GVQW3: variants seen among roughly 807,000 people sequenced by gnomAD.
The protein encoded by GVQW3 is protein GVQW3.
GVQW3 carries 7 observed loss-of-function variants against 12.5 expected under a neutral mutation model. The ratio of observed to expected loss-of-function variants is 0.56; its 90% CI spans 0.32 to 1.05. GVQW3 has a LOEUF of 1.05. GVQW3 is among the 50% of genes least tolerant of loss of function. GVQW3 has a pLI of 0.04. For missense variants in GVQW3, 188 were observed against 190.8 expected (o/e 0.99, Z 0.09); for synonymous variants, 71 against 67.2 (o/e 1.06, Z -0.28).
In GVQW3 at chr11:76,400,006, T is replaced by TACACACACACACAC. The variant is rs60192043; in HGVS notation, c.466-3623_466-3610dup. The stretch of plus-strand genomic sequence containing the variant: ...TATAATAAATCTCTCTCTCTCTGTA[T>TACACACACACACAC]ACACACACACACACACACACACACA... On this transcript the variant is annotated intron_variant, in intron 1 of 1. Transcript: ENST00000529331. Among the ~76,000 whole-genome samples, 400 of 140,460 alleles carry TACACACACACACAC rather than the reference T, an allele frequency of 2.8e-3. 3 individuals carry two copies. Among genetic ancestry groups the TACACACACACACAC allele is most frequent in the South Asian group, 5.0e-3 (21 of 4,178 alleles). The allele number at this position is 140,460 out of a possible 152,430, so 92.1% of individuals were successfully genotyped here.
rs1947059070 is a variant in GVQW3, at chr11:76,408,091, A to T, written c.*4333A>T. On this transcript the variant is annotated 3_prime_UTR_variant, in exon 2 of 2. Transcript: ENST00000529331. ...ATAAATATTACTTTTGTAGTTAGAAAATATGTATAATGAACATTAAAATTA... is the reference window on the plus strand; with the variant it reads ...ATAAATATTACTTTTGTAGTTAGAATATATGTATAATGAACATTAAAATTA... 6.6e-6 allele frequency: 1 copy of T among 152,170 alleles called. No homozygotes were observed. The highest frequency in any genetic ancestry group is 2.4e-5 in the African/African-American group (1 of 41,442). 9.4% of individuals were successfully genotyped at this position (152,170 alleles called of 1,614,324 possible).
downstream of GVQW3, among the ~76,000 whole-genome samples, chr11:76,410,643 G>A (rs1947073543): frequency 6.6e-6 from 1 of 152,166 alleles, no homozygotes; most frequent in South Asian, 2.1e-4. Context: ...TCTGAGGGGA[G>A]GCGCCTTCCC....
At chr11:76,410,200 A>C (rs1458935970), downstream of GVQW3, among the ~76,000 whole-genome samples, 1 of 152,220 alleles carries the variant, frequency 6.6e-6, no homozygotes, top group Non-Finnish European at 1.5e-5. Context: ...GGCTGCAGTA[A>C]GCTGTGATTA....
rs570117370 is a variant in GVQW3, at chr11:76,400,418, T to G, written c.466-3242T>G. 5.3e-5 allele frequency among the ~76,000 whole-genome samples: 8 copies of G among 150,314 alleles called. No homozygotes were observed. In the South Asian group the frequency reaches 1.7e-3, roughly 32 times the overall value. On this transcript the variant is annotated intron_variant, in intron 1 of 1. Coordinates refer to ENST00000529331, the MANE Select transcript of GVQW3 (RefSeq NM_001347885.2). Reference sequence around the variant, plus strand: ...TGTGAGTCACTCTGCCTGGCCCTTTTTTTGTTTGTTTGTTTTTTTGAGATG... The same window carrying G: ...TGTGAGTCACTCTGCCTGGCCCTTTGTTTGTTTGTTTGTTTTTTTGAGATG...
downstream of GVQW3, among the ~76,000 whole-genome samples, chr11:76,409,208 A>G (rs112767670): frequency 4.4e-3 from 669 of 152,326 alleles, 3 homozygotes; most frequent in Middle Eastern, 0.017. Context: ...ATTATATGCC[A>G]GGTAATGTTC....
intron 1 of GVQW3, among the ~76,000 whole-genome samples, chr11:76,399,024 C>T (rs1384055201): frequency 6.6e-6 from 1 of 152,136 alleles, no homozygotes; most frequent in Non-Finnish European, 1.5e-5. Flanking sequence ...GATAATCTGT[C>T]CCTTGTCACT....
chr11:76,391,923 C>T (rs1946896215), intron 1 of GVQW3, among the ~76,000 whole-genome samples: 1 of 152,176 alleles, frequency 6.6e-6, no homozygotes, highest in African/African-American at 2.4e-5. Flanking sequence ...CATTGCACTC[C>T]AGCCCGGGCG....
downstream of GVQW3, chr11:76,413,114 C>T (rs1360157376): frequency 6.6e-6 from 1 of 152,226 alleles, no homozygotes; most frequent in Non-Finnish European, 1.5e-5. Context: ...AGCATCCACT[C>T]ACATGTCATC....
At chr11:76,412,931 T>G (rs1947091232), downstream of GVQW3, 1 of 152,242 alleles carries the variant, frequency 6.6e-6, no homozygotes, top group Non-Finnish European at 1.5e-5. Context: ...TGAGTGCTGC[T>G]GTCAGAATGG....
chr11:76,395,242 A>G (rs1946929067), intron 1 of GVQW3: 1 of 152,224 alleles, frequency 6.6e-6, no homozygotes, highest in Non-Finnish European at 1.5e-5. Flanking sequence ...TCTAGTTCAG[A>G]ACATCTTCAT....
At chr11:76,393,552 C>G (rs1353379481) in intron 1 of GVQW3, among the ~76,000 whole-genome samples, 1 of 152,164 alleles carries the variant, frequency 6.6e-6, no homozygotes, top group Non-Finnish European at 1.5e-5. Context: ...TCATGCCCCA[C>G]TTTGTGCCTG....
chr11:76,402,411 G>T (rs1397209607), intron 1 of GVQW3, among the ~76,000 whole-genome samples: 5 of 151,974 alleles, frequency 3.3e-5, no homozygotes, highest in African/African-American at 1.2e-4. Context: ...AAATTAGCTG[G>T]GTGTGGTGGT....
chr11:76,399,912 T>G (rs1946972148), intron 1 of GVQW3, among the ~76,000 whole-genome samples: 1 of 151,900 alleles, frequency 6.6e-6, no homozygotes, highest in Non-Finnish European at 1.5e-5. Flanking sequence ...GGTCTACAGC[T>G]TGCCAGGTAC....
chr11:76,401,920 TACCCC>T (rs1946993881), intron 1 of GVQW3, among the ~76,000 whole-genome samples: 1 of 152,190 alleles, frequency 6.6e-6, no homozygotes, highest in Non-Finnish European at 1.5e-5. Flanking sequence ...TGCTATTTAT[TACCCC>T]ACCCACAGCC....
chr11:76,396,511 C>A (rs1212346893), intron 1 of GVQW3, among the ~76,000 whole-genome samples: 1 of 151,924 alleles, frequency 6.6e-6, no homozygotes, highest in Non-Finnish European at 1.5e-5. Flanking sequence ...GATAGAGTTT[C>A]ATCACATTGC....
intron 1 of GVQW3, among the ~76,000 whole-genome samples, chr11:76,385,272 G>C (rs952734686): frequency 2.0e-5 from 3 of 152,200 alleles, no homozygotes; most frequent in African/African-American, 7.2e-5. Flanking sequence ...CAAGGGTAGA[G>C]CATGATCTGG....
chr11:76,398,629 A>G (rs1472765447), intron 1 of GVQW3, among the ~76,000 whole-genome samples: 1 of 151,926 alleles, frequency 6.6e-6, no homozygotes, highest in East Asian at 1.9e-4. Context: ...TTCTTTAAAA[A>G]ACAATTGTTT....
Position 76,382,278 on chromosome 11 carries a change from A to G in GVQW3, c.450A>G (p.Ser150=), listed in dbSNP as rs1590812413. The G allele has an allele frequency of 1.3e-6, 2 of 1,518,802 alleles. No homozygotes were observed. The highest frequency in any genetic ancestry group is 4.9e-5 in the East Asian group (2 of 40,842). 94.1% of individuals were successfully genotyped at this position (1,518,802 alleles called of 1,614,324 possible). A position where few individuals can be genotyped will look rare whatever the true frequency, so the allele number is the denominator to read the frequency against. ...DLSKETRKNS[S]CLRKKRRNLT... The stretch of plus-strand genomic sequence containing the variant: ...CAAAGGAAACTAGGAAAAATAGCTC[A>G]TGTTTGAGGAAAAAGGTAACAGGTT... Residue 150 remains serine (S), a synonymous_variant, in exon 1 of 2, where the codon TCA becomes TCG. Transcript: ENST00000529331.
chr11:76,394,734 A>G (rs1237453470), intron 1 of GVQW3, among the ~76,000 whole-genome samples: 1 of 152,166 alleles, frequency 6.6e-6, no homozygotes, highest in Non-Finnish European at 1.5e-5. Context: ...ATTATATGGT[A>G]GCTCTATTTT....
Sources: allele counts gnomAD v4.1 joint callset (sites outside exome capture counted in the v4.1 genomes callset), GRCh38; gene constraint gnomAD v4.1.1; transcripts MANE v1.5; gene names NCBI Gene and HGNC (gene_info 2026-07-23, HGNC 2026-07-21).